The following SLC9A8 variants were observed in gnomAD, a reference collection of about 807,000 sequenced individuals.
The protein encoded by SLC9A8 is solute carrier family 9 member A8.
A neutral mutation model predicts 66.6 loss-of-function variants in SLC9A8; 48 were observed. That is an observed-to-expected ratio of 0.72 (90% CI 0.57 to 0.92). The LOEUF (loss-of-function observed/expected upper bound fraction) is 0.92. Among genes scored for constraint, SLC9A8 ranks in the 40% least tolerant of loss-of-function variants. The pLI is 0.00. For missense variants in SLC9A8, 599 were observed against 747.3 expected (o/e 0.80, Z 2.31); for synonymous variants, 274 against 282.6 (o/e 0.97, Z 0.31).
intron 3 of SLC9A8, among the ~76,000 whole-genome samples, chr20:49,834,575 ATTGAT>A (rs1329034950): frequency 2.0e-5 from 3 of 150,160 alleles, no homozygotes; most frequent in Non-Finnish European, 4.4e-5. Flanking sequence ...TGTTGGGTAG[ATTGAT>A]TTGACCTAAC....
rs533700310 is a variant in SLC9A8 at position 49,852,194 on chromosome 20, C to T, written c.569+1350C>T. Reference sequence around the variant, plus strand: ...AGCTGTGAGTCTAGACATGGGGCAGCGGCCAGTGGGAGAACACACCCTGTA... The same window carrying T: ...AGCTGTGAGTCTAGACATGGGGCAGTGGCCAGTGGGAGAACACACCCTGTA... On this transcript the variant is annotated intron_variant, in intron 7 of 15. Transcript: ENST00000361573. Among the ~76,000 whole-genome samples the T allele has an allele frequency of 2.0e-3, 312 of 152,312 alleles. 1 individual carries two copies. The highest frequency in any genetic ancestry group is 2.9e-3 in the Non-Finnish European group (198 of 68,022).
chr20:49,878,433 A>G (rs1157887429), intron 12 of SLC9A8, among the ~76,000 whole-genome samples: 1 of 152,248 alleles, frequency 6.6e-6, no homozygotes, highest in African/African-American at 2.4e-5. Context: ...ATGCACAGAA[A>G]AAAGAAAATA....
intron 14 of SLC9A8, among the ~76,000 whole-genome samples, chr20:49,884,643 G>A (rs1239530690): frequency 6.6e-6 from 1 of 152,158 alleles, no homozygotes; most frequent in Non-Finnish European, 1.5e-5. Flanking sequence ...CCTGAGGAGG[G>A]GAGGATGTCT....
In SLC9A8 at chr20:49,815,104, C is replaced by T; in HGVS notation, c.123C>T (p.Pro41=). ...TKLVLPTPGK[P]ILPVQTGEQA... ...TGGTGCTCCCGACCCCTGGCAAGCC[C>T]ATCCTCCCCGTGCAGACAGGGGAGC... Residue 41 remains proline, a synonymous_variant, in exon 2 of 16, where the codon CCC becomes CCT. Coordinates refer to ENST00000361573, the MANE Select transcript of SLC9A8 (RefSeq NM_015266.3). The T allele has an allele frequency of 6.2e-7, 1 of 1,609,296 alleles. No homozygotes were observed. The highest frequency in any genetic ancestry group is 2.2e-5 in the East Asian group (1 of 44,446).
intron 3 of SLC9A8, chr20:49,830,627 G>C (rs1217566429): frequency 1.6e-6 from 1 of 619,052 alleles, no homozygotes; most frequent in East Asian, 2.9e-5. Flanking sequence ...GAATGTTGGT[G>C]ATCTTAGCAG....
chr20:49,828,927 G>T (rs1181440935), intron 3 of SLC9A8, among the ~76,000 whole-genome samples: 1 of 151,236 alleles, frequency 6.6e-6, no homozygotes, highest in East Asian at 1.9e-4. Flanking sequence ...AGATGTGTGT[G>T]TGTGTGTATG....
Position 49,864,728 on chromosome 20 carries a change from T to G in SLC9A8, c.853-11T>G. 1 of 1,605,432 alleles carries G rather than the reference T, an allele frequency of 6.2e-7. No homozygotes were observed. Among genetic ancestry groups the G allele is most frequent in the Non-Finnish European group, 8.5e-7 (1 of 1,172,046 alleles). On this transcript the variant is annotated splice_polypyrimidine_tract_variant and intron_variant, in intron 9 of 15. Transcript: ENST00000361573. The stretch of plus-strand genomic sequence containing the variant: ...TCCCTCGATTCTCCTTCCTTGACAG[T>G]TGTCATTTACGTGCTGAAGCATATT...
At position 49,886,974 on chromosome 20, in the gene SLC9A8, G is replaced by A. The variant is rs952871252; in HGVS notation, c.1638+76G>A. On this transcript the variant is annotated intron_variant, in intron 15 of 15. Transcript: ENST00000361573. This position sits in a 1 kb window ranked among gnomAD's most constrained non-coding sequence, Gnocchi z 4.8. ...TCAGGACCTGCGGTGGCCCAGGGTG[G>A]GGTGGAGGAAGAGTGGGGAGGCAGG... The A allele has an allele frequency of 2.4e-5, 36 of 1,505,194 alleles. No individual in the cohort carries two copies. Among genetic ancestry groups the A allele is most frequent in the Admixed American group, 3.9e-5 (2 of 51,332 alleles). The allele number at this position is 1,505,194 out of a possible 1,614,324, so 93.2% of individuals were successfully genotyped here.
At chr20:49,849,768 G>C (rs988695886) in intron 6 of SLC9A8, 88 bp downstream of exon 6, 1 of 1,030,622 alleles carries the variant, frequency 9.7e-7, no homozygotes, top group East Asian at 2.4e-5. Context: ...GGGCCACTTT[G>C]TGGGGCCTGG....
intron 7 of SLC9A8, among the ~76,000 whole-genome samples, 167 bp from the exon 8 acceptor site, chr20:49,855,271 C>T (rs1045591171): frequency 8.5e-5 from 13 of 152,222 alleles, no homozygotes; most frequent in Non-Finnish European, 1.6e-4. Flanking sequence ...ATACTCCACC[C>T]ACAAAACAGC....
At chr20:49,853,348 C>T (rs2088329938) in intron 7 of SLC9A8, among the ~76,000 whole-genome samples, 1 of 152,088 alleles carries the variant, frequency 6.6e-6, no homozygotes, top group Non-Finnish European at 1.5e-5. Flanking sequence ...CTCTATATTG[C>T]CCAGGCTGGT....
In SLC9A8 at chr20:49,864,485, AT is replaced by A. The variant is rs1245057142; in HGVS notation, c.853-250del. On this transcript the variant is annotated intron_variant, in intron 9 of 15. Transcript: ENST00000361573. ...TTTTTAAATGAGTTGACTTAGGTTG[AT>A]TTTCATCTTCCACCACCATTTATCT... Among the ~76,000 whole-genome samples, 4 of 152,108 alleles carry A rather than the reference AT, an allele frequency of 2.6e-5. No homozygotes were observed. In the East Asian group the frequency reaches 5.8e-4, roughly 22 times the overall value.
Position 49,886,998 on chromosome 20 carries a change from G to A in SLC9A8, c.1638+100G>A, listed in dbSNP as rs577780487. 21 of 1,399,264 alleles carry A rather than the reference G, an allele frequency of 1.5e-5. No individual in the cohort carries two copies. In the Admixed American group the frequency reaches 4.3e-4, roughly 29 times the overall value. The allele number at this position is 1,399,264 out of a possible 1,614,324, so 86.7% of individuals were successfully genotyped here. ...GGGGTGGAGGAAGAGTGGGGAGGCA[G>A]GAAAGCTCACGTGGGCCCGCCAGGC... On this transcript the variant is annotated intron_variant, in intron 15 of 15. Transcript: ENST00000361573. This position sits in a 1 kb window ranked among gnomAD's most constrained non-coding sequence, Gnocchi z 4.8.
At chr20:49,850,539 C>T (rs2088201296) in intron 6 of SLC9A8, among the ~76,000 whole-genome samples, 1 of 152,198 alleles carries the variant, frequency 6.6e-6, no homozygotes, top group African/African-American at 2.4e-5. Context: ...CTTCATTGCT[C>T]AGCTTCTAGT....
intron 2 of SLC9A8, among the ~76,000 whole-genome samples, chr20:49,816,980 G>A (rs1325178292): frequency 6.6e-6 from 1 of 151,634 alleles, no homozygotes; most frequent in Admixed American, 6.6e-5. Context: ...CACCTGCCTC[G>A]GCCTCCCAAA....
At chr20:49,863,560 A>T (rs1432553426) in intron 9 of SLC9A8, among the ~76,000 whole-genome samples, 1 of 152,242 alleles carries the variant, frequency 6.6e-6, no homozygotes, top group Non-Finnish European at 1.5e-5. Flanking sequence ...TCTCTAAAAA[A>T]TACATAAATA....
rs1176516884 is a variant in SLC9A8, at chr20:49,884,289, GACACAC to G, written c.1491+266_1491+271del. The G allele has an allele frequency of 6.0e-3, 231 of 38,734 alleles. 12 individuals are homozygous for G. The highest frequency in any genetic ancestry group is 0.042 in the African/African-American group (192 of 4,520). The allele number at this position is 38,734 out of a possible 1,614,324, so 2.4% of individuals were successfully genotyped here. A position where few individuals can be genotyped will look rare whatever the true frequency, so the allele number is the denominator to read the frequency against. On this transcript the variant is annotated intron_variant, in intron 14 of 15. Coordinates refer to ENST00000361573, the MANE Select transcript of SLC9A8 (RefSeq NM_015266.3). ...ACACACACACGACACACACACACAC[GACACAC>G]ACACACACACACACACACACACACA...
intron 2 of SLC9A8, among the ~76,000 whole-genome samples, chr20:49,815,911 C>G (rs947021737): frequency 8.6e-5 from 13 of 152,016 alleles, no homozygotes; most frequent in African/African-American, 2.4e-4. Flanking sequence ...ATCAGAGCAG[C>G]ATTTTGTGTT....
rs145411325 is a variant in SLC9A8, at chr20:49,878,035, T to C, written c.1130T>C (p.Phe377Ser). Reference sequence around the variant, plus strand: ...TCCATTTTTAGTTTTCCTCACAAGTTTGAAATTTCCTTTGTCATCTGGTGC... The same window carrying C: ...TCCATTTTTAGTTTTCCTCACAAGTCTGAAATTTCCTTTGTCATCTGGTGC... ...GLSIFSFPHKFEISFVIWCIV... is the reference protein window; with the variant it reads ...GLSIFSFPHKSEISFVIWCIV... Residue 377 changes from phenylalanine (F) to serine (S), a missense_variant, in exon 12 of 16, where the codon TTT becomes TCT. By Grantham distance (155) the Phe-to-Ser change is radical. This residue lies in a region of SLC9A8 where 467 missense variants were observed against 626.5 expected (regional missense o/e 0.75). Coordinates refer to ENST00000361573, the MANE Select transcript of SLC9A8 (RefSeq NM_015266.3). 2.4e-4 allele frequency: 390 copies of C among 1,605,038 alleles called. No individual in the cohort carries two copies. Among genetic ancestry groups the C allele is most frequent in the Non-Finnish European group, 3.1e-4 (365 of 1,177,860 alleles).
Sources: gnomAD v4.1 joint callset for allele counts (sites outside exome capture counted in the v4.1 genomes callset) on GRCh38, gnomAD v4.1.1 for gene constraint, gnomAD v4.1.1 regional missense constraint, Gnocchi (gnomAD v3.1) non-coding constraint, MANE v1.5 for transcripts, NCBI Gene and HGNC (gene_info 2026-07-23, HGNC 2026-07-21) for gene names.